The following MIPOL1 variants were observed in gnomAD, a reference collection of about 807,000 sequenced individuals.
MIPOL1 encodes mirror-image polydactyly gene 1 protein.
MIPOL1 carries 57 observed loss-of-function variants against 60.9 expected under a neutral mutation model. The observed-to-expected ratio is 0.94, with a 90% CI of 0.76 to 1.17. MIPOL1 has a LOEUF of 1.17. Ranked by LOEUF, MIPOL1 falls within the 50% of genes most tolerant of loss-of-function variation. The probability of loss-of-function intolerance (pLI) is 0.00; values close to 1 mark genes in which losing one functional copy is unlikely to be tolerated. For missense variants in MIPOL1, 551 were observed against 511.6 expected (o/e 1.08, Z -0.74); for synonymous variants, 179 against 168.8 (o/e 1.06, Z -0.47).
At chr14:37,360,043 T>C (rs1004141956) in intron 9 of MIPOL1, among the ~76,000 whole-genome samples, 10 of 152,194 alleles carry the variant, frequency 6.6e-5, no homozygotes, top group Non-Finnish European at 1.0e-4. Context: ...CTGTTGAATT[T>C]TGTCGAAGGC....
intron 10 of MIPOL1, among the ~76,000 whole-genome samples, chr14:37,407,592 C>G (rs1015190539): frequency 6.6e-6 from 1 of 152,022 alleles, no homozygotes. Flanking sequence ...CTGAACCACA[C>G]CAGCTGCTTT....
chr14:37,204,167 C>G (rs935430151), intron 1 of MIPOL1, among the ~76,000 whole-genome samples: 1 of 151,908 alleles, frequency 6.6e-6, no homozygotes, highest in African/African-American at 2.4e-5. Context: ...ATGACTGCAC[C>G]CCTGGCTGAC....
At chr14:37,417,497 C>A in intron 10 of MIPOL1, among the ~76,000 whole-genome samples, 1 of 152,140 alleles carries the variant, frequency 6.6e-6, no homozygotes, top group East Asian at 1.9e-4. Flanking sequence ...GTAAGCAATC[C>A]AAGCCTTCCT....
chr14:37,216,140 G>A (rs752748167), intron 1 of MIPOL1, among the ~76,000 whole-genome samples: 32 of 151,474 alleles, frequency 2.1e-4, no homozygotes, highest in Non-Finnish European at 4.1e-4. Context: ...AAAGGAGCTA[G>A]TTATATCAGG....
rs370227067 is a variant in MIPOL1 at position 37,396,071 on chromosome 14, T to TG, written c.936+26447_936+26448insG. 4.7e-5 allele frequency among the ~76,000 whole-genome samples: 7 copies of TG among 147,770 alleles called. No homozygotes were observed. In the East Asian group the frequency reaches 1.5e-3, roughly 31 times the overall value. ...TGCTATTTGTTGCCTGTGTACCTTG[T>TG]TTTTTTTTTGTTTTTTGTTTTTGCT... is the stretch of plus-strand genomic sequence containing the variant. On this transcript the variant is annotated intron_variant, in intron 10 of 12. Coordinates refer to ENST00000684589, the MANE Select transcript of MIPOL1 (RefSeq NM_001388067.1).
chr14:37,308,008 C>T (rs765108265), intron 7 of MIPOL1, 48 bp from the exon 8 acceptor site: 12 of 1,527,494 alleles, frequency 7.9e-6, no homozygotes, highest in East Asian at 6.8e-5. Context: ...CATTTTGCTG[C>T]ACTAAGGAAA....
chr14:37,218,189 A>T (rs1274351966), intron 1 of MIPOL1, among the ~76,000 whole-genome samples: 2 of 151,606 alleles, frequency 1.3e-5, no homozygotes, highest in Admixed American at 1.3e-4. Context: ...AATTATTATT[A>T]TTATTTTTTG....
intron 1 of MIPOL1, among the ~76,000 whole-genome samples, chr14:37,213,042 T>C (rs1349627342): frequency 1.3e-5 from 2 of 152,184 alleles, no homozygotes; most frequent in Non-Finnish European, 2.9e-5. Flanking sequence ...AAAGCAGATA[T>C]AGCTTAGGTC....
chr14:37,228,747 C>T (rs1392465680), intron 1 of MIPOL1, among the ~76,000 whole-genome samples: 1 of 152,170 alleles, frequency 6.6e-6, no homozygotes, highest in South Asian at 2.1e-4. Context: ...CTTTGCTTCA[C>T]ATTTTTCGTG....
chr14:37,200,566 C>T (rs1360475734), intron 1 of MIPOL1, among the ~76,000 whole-genome samples: 1 of 151,562 alleles, frequency 6.6e-6, no homozygotes, highest in Non-Finnish European at 1.5e-5. Context: ...TGATTAAACT[C>T]AAGTTTAGTT....
At chr14:37,214,155 A>G (rs1967172718) in intron 1 of MIPOL1, among the ~76,000 whole-genome samples, 1 of 152,040 alleles carries the variant, frequency 6.6e-6, no homozygotes, top group South Asian at 2.1e-4. Flanking sequence ...CACTTGTAAT[A>G]GTAGACAGAA....
At chr14:37,457,474 A>G (rs2094490033) in intron 11 of MIPOL1, among the ~76,000 whole-genome samples, 1 of 152,150 alleles carries the variant, frequency 6.6e-6, no homozygotes. Flanking sequence ...CAGTAGTGAG[A>G]TGAGGACACT....
chr14:37,420,031 A>G (rs1230984780), intron 10 of MIPOL1, among the ~76,000 whole-genome samples: 1 of 151,938 alleles, frequency 6.6e-6, no homozygotes, highest in Non-Finnish European at 1.5e-5. Context: ...ATGAGCTACC[A>G]TATAGGCATG....
At chr14:37,316,822 A>G in intron 9 of MIPOL1, among the ~76,000 whole-genome samples, 1 of 152,078 alleles carries the variant, frequency 6.6e-6, no homozygotes, top group Non-Finnish European at 1.5e-5. Context: ...ACTAAAAAAT[A>G]CAAAAATTAG....
chr14:37,299,181 G>A (rs2086108942), intron 7 of MIPOL1, among the ~76,000 whole-genome samples: 1 of 151,388 alleles, frequency 6.6e-6, no homozygotes. Flanking sequence ...ATCATTCTCA[G>A]CAAACTATTG....
chr14:37,532,843 CATATT>C (rs2095487857), intron 12 of MIPOL1, among the ~76,000 whole-genome samples: 1 of 152,026 alleles, frequency 6.6e-6, no homozygotes, highest in South Asian at 2.1e-4. Context: ...ATGCTAGTAA[CATATT>C]AATATGTTTT....
chr14:37,247,660 C>A (rs777063899), intron 2 of MIPOL1, 169 bp from the exon 3 acceptor site: 21 of 476,662 alleles, frequency 4.4e-5, no homozygotes, highest in African/African-American at 1.0e-4. Flanking sequence ...GAACCTTTTT[C>A]TGAGAAAAAG....
At chr14:37,481,075 A>G (rs2094856039) in intron 11 of MIPOL1, among the ~76,000 whole-genome samples, 1 of 152,196 alleles carries the variant, frequency 6.6e-6, no homozygotes, top group South Asian at 2.1e-4. Context: ...CAGGAGTACA[A>G]GGTTACAGTG....
intron 10 of MIPOL1, among the ~76,000 whole-genome samples, chr14:37,402,445 G>C (rs776278959): frequency 5.9e-5 from 9 of 152,112 alleles, no homozygotes; most frequent in Non-Finnish European, 8.8e-5. Context: ...ATGTTTATGA[G>C]TCTGCCAATG....
Sources: allele counts gnomAD v4.1 joint callset (sites outside exome capture counted in the v4.1 genomes callset), GRCh38; gene constraint gnomAD v4.1.1; transcripts MANE v1.5; gene names NCBI Gene and HGNC (gene_info 2026-07-23, HGNC 2026-07-21).